The following LIX1 variants were observed in gnomAD, a reference collection of about 807,000 sequenced individuals.
The protein encoded by LIX1 is limb and CNS expressed 1.
Under a neutral mutation model 33.4 loss-of-function variants are expected in LIX1, and 24 were observed. The observed-to-expected ratio is 0.72, with a 90% CI of 0.52 to 1.01. LIX1 has a LOEUF of 1.01. LIX1 is among the 50% of genes least tolerant of loss of function. The probability of loss-of-function intolerance (pLI) is 0.00; values close to 1 mark genes in which losing one functional copy is unlikely to be tolerated. For missense variants in LIX1, 311 were observed against 339.2 expected (o/e 0.92, Z 0.65); for synonymous variants, 124 against 124.0 (o/e 1.00, Z 0.00).
intron 2 of LIX1, among the ~76,000 whole-genome samples, chr5:97,120,757 T>C (rs919506559): frequency 6.6e-6 from 1 of 152,192 alleles, no homozygotes; most frequent in Non-Finnish European, 1.5e-5. Flanking sequence ...GTAGAATCTT[T>C]ATTGCCAGAG....
intron 4 of LIX1, among the ~76,000 whole-genome samples, chr5:97,099,895 T>C (rs1746602451): frequency 6.6e-6 from 1 of 152,210 alleles, no homozygotes; most frequent in Non-Finnish European, 1.5e-5. Context: ...CCTAAATCTT[T>C]ATGTAAAGTT....
At chr5:97,127,359 G>A (rs553909456) in intron 1 of LIX1, among the ~76,000 whole-genome samples, 36 of 152,214 alleles carry the variant, frequency 2.4e-4, no homozygotes, top group African/African-American at 7.7e-4. Context: ...GCACTAAGTC[G>A]ATTTCTGTGT....
intron 1 of LIX1, among the ~76,000 whole-genome samples, chr5:97,132,759 C>T (rs1038138305): frequency 1.3e-5 from 2 of 152,082 alleles, no homozygotes; most frequent in Non-Finnish European, 1.5e-5. Context: ...AAGGAAGGGC[C>T]CAGATCCCCA....
At chr5:97,112,798 TAAA>T (rs534869921) in intron 2 of LIX1, among the ~76,000 whole-genome samples, 39,660 of 108,172 alleles carry the variant, frequency 0.37, 6,533 homozygotes, top group African/African-American at 0.52. Flanking sequence ...AAAATTAAAG[TAAA>T]AAAAAAAAAA....
chr5:97,138,171 T>A (rs1580250020), intron 1 of LIX1, among the ~76,000 whole-genome samples: 1 of 152,244 alleles, frequency 6.6e-6, no homozygotes, highest in East Asian at 1.9e-4. Flanking sequence ...TCCATCTTAC[T>A]TTTTCATTAT....
At chr5:97,132,321 T>C (rs1010225162) in intron 1 of LIX1, among the ~76,000 whole-genome samples, 4 of 152,180 alleles carry the variant, frequency 2.6e-5, no homozygotes, top group Non-Finnish European at 5.9e-5. Context: ...ACAGAGATGA[T>C]GTTAAAGTGA....
At chr5:97,132,945 T>G (rs961078040) in intron 1 of LIX1, among the ~76,000 whole-genome samples, 3 of 152,186 alleles carry the variant, frequency 2.0e-5, no homozygotes, top group Admixed American at 1.3e-4. Flanking sequence ...CATCAGTAAT[T>G]GGACACCCAG....
intron 2 of LIX1, among the ~76,000 whole-genome samples, 184 bp from the exon 3 acceptor site, chr5:97,107,684 A>C (rs1747131727): frequency 6.6e-6 from 1 of 152,150 alleles, no homozygotes; most frequent in Non-Finnish European, 1.5e-5. Context: ...AGTTCGTGCA[A>C]ATGTCTTGGT....
At chr5:97,136,258 C>T (rs1027308736) in intron 1 of LIX1, among the ~76,000 whole-genome samples, 3 of 152,184 alleles carry the variant, frequency 2.0e-5, no homozygotes, top group Non-Finnish European at 4.4e-5. Context: ...CTTTAGAGCC[C>T]CGACTTTCTT....
intron 1 of LIX1, among the ~76,000 whole-genome samples, chr5:97,129,716 T>G (rs926919269): frequency 3.9e-5 from 6 of 152,224 alleles, no homozygotes; most frequent in Non-Finnish European, 8.8e-5. Flanking sequence ...ATCTGTAATA[T>G]AGACAATGCT....
At chr5:97,120,850 C>T (rs532756543) in intron 2 of LIX1, among the ~76,000 whole-genome samples, 18 of 152,178 alleles carry the variant, frequency 1.2e-4, no homozygotes, top group South Asian at 2.1e-4. Flanking sequence ...ATAAATGCTA[C>T]GCTTATATAA....
At chr5:97,098,989 G>A (rs962693245) in intron 4 of LIX1, among the ~76,000 whole-genome samples, 2 of 152,142 alleles carry the variant, frequency 1.3e-5, no homozygotes, top group Non-Finnish European at 2.9e-5. Flanking sequence ...TACTCTGAGA[G>A]CCCACAGACA....
chr5:97,127,468 A>G (rs1357747123), intron 1 of LIX1, among the ~76,000 whole-genome samples: 3 of 152,192 alleles, frequency 2.0e-5, no homozygotes, highest in East Asian at 1.9e-4. Context: ...TGCAATATAT[A>G]TACATACAGA....
Position 97,094,351 on chromosome 5 carries a change from C to G in LIX1, c.*397G>C, listed in dbSNP as rs1373240082. On this transcript the variant is annotated 3_prime_UTR_variant, in exon 6 of 6. Transcript: ENST00000274382. ...TAATCCTAAGTATTTTTAAACACTG[C>G]TATCATGCTACTTCACCTAATTCTG... 1 of 179,512 alleles carries G rather than the reference C, an allele frequency of 5.6e-6. No homozygotes were observed. Among genetic ancestry groups the G allele is most frequent in the Non-Finnish European group, 1.2e-5 (1 of 84,302 alleles). The allele number at this position is 179,512 out of a possible 1,614,324, so 11.1% of individuals were successfully genotyped here. A position where few individuals can be genotyped will look rare whatever the true frequency, so the allele number is the denominator to read the frequency against.
chr5:97,133,847 A>G (rs1043754936), intron 1 of LIX1, among the ~76,000 whole-genome samples: 1 of 152,226 alleles, frequency 6.6e-6, no homozygotes, highest in Non-Finnish European at 1.5e-5. Context: ...TTTTCATAAC[A>G]GTGTATTCTT....
rs1163752741 is a variant in LIX1 at position 97,126,612 on chromosome 5, A to G, written c.83-1983T>C. On this transcript the variant is annotated intron_variant, in intron 1 of 5. Coordinates refer to ENST00000274382, the MANE Select transcript of LIX1 (RefSeq NM_153234.5). ...TTACAGAGCTTTTTAATTTTTTTGAAAATATTTGAAATAATATTTTCTTTC... is the reference window on the plus strand; with the variant it reads ...TTACAGAGCTTTTTAATTTTTTTGAGAATATTTGAAATAATATTTTCTTTC... 3.3e-5 allele frequency among the ~76,000 whole-genome samples: 5 copies of G among 152,022 alleles called. No homozygotes were observed. In the East Asian group the frequency reaches 9.6e-4, roughly 29 times the overall value.
At chr5:97,113,733 G>A (rs316216) in intron 2 of LIX1, among the ~76,000 whole-genome samples, 40,957 of 152,072 alleles carry the variant, frequency 0.27, 6,377 homozygotes, top group African/African-American at 0.43. Flanking sequence ...GGAATAAAGA[G>A]GACATATAAT....
chr5:97,125,881 G>A (rs546095824), intron 1 of LIX1, among the ~76,000 whole-genome samples: 1 of 152,312 alleles, frequency 6.6e-6, no homozygotes, highest in South Asian at 2.1e-4. Context: ...GGTTTCTGGA[G>A]CCGTAGGAGG....
chr5:97,139,975 T>C (rs1410882089), intron 1 of LIX1, among the ~76,000 whole-genome samples: 1 of 152,232 alleles, frequency 6.6e-6, no homozygotes, highest in Non-Finnish European at 1.5e-5. Flanking sequence ...TTTAAATGAA[T>C]GTAACTATTC....
Sources: allele counts gnomAD v4.1 joint callset (sites outside exome capture counted in the v4.1 genomes callset), GRCh38; gene constraint gnomAD v4.1.1; transcripts MANE v1.5; gene names NCBI Gene and HGNC (gene_info 2026-07-23, HGNC 2026-07-21).